The following SNAP47 variants were observed in gnomAD, a reference collection of about 807,000 sequenced individuals.
SNAP47 encodes the protein synaptosomal-associated protein 47.
SNAP47 carries 20 observed loss-of-function variants against 31.4 expected under a neutral mutation model. The ratio of observed to expected loss-of-function variants is 0.64; its 90% CI spans 0.45 to 0.93. SNAP47 has a LOEUF of 0.93. Ranked by LOEUF, SNAP47 falls within the 40% of genes least tolerant of loss-of-function variation. The pLI is 0.00. For missense variants in SNAP47, 492 were observed against 528.5 expected, an observed-to-expected ratio of 0.93 and a Z score of 0.68; for synonymous variants, 194 against 213.4, an observed-to-expected ratio of 0.91 and a Z score of 0.79.
upstream of SNAP47, chr1:227,731,291 A>T (rs1242988426): frequency 1.3e-5 from 2 of 152,346 alleles, no homozygotes; most frequent in African/African-American, 4.8e-5. Flanking sequence ...GAGCAGACAG[A>T]AACCCCTGCC....
chr1:227,744,302 G>A (rs1040221397), intron 1 of SNAP47, among the ~76,000 whole-genome samples: 1 of 152,026 alleles, frequency 6.6e-6, no homozygotes, highest in Non-Finnish European at 1.5e-5. Context: ...ATGAGAGCTG[G>A]TGATCTGGAC....
At chr1:227,779,275 G>T (rs1664325867) in intron 4 of SNAP47, among the ~76,000 whole-genome samples, 1 of 152,174 alleles carries the variant, frequency 6.6e-6, no homozygotes, top group Non-Finnish European at 1.5e-5. Flanking sequence ...CATTGCTTGT[G>T]ACCCTGAATC....
chr1:227,761,697 G>T (rs1208630116), intron 3 of SNAP47, among the ~76,000 whole-genome samples: 1 of 152,184 alleles, frequency 6.6e-6, no homozygotes, highest in Non-Finnish European at 1.5e-5. Flanking sequence ...GACTGGTGGT[G>T]TGGGGACTGA....
chr1:227,776,840 A>C (rs1358527064), intron 4 of SNAP47: 29 of 985,362 alleles, frequency 2.9e-5, no homozygotes, highest in Non-Finnish European at 3.3e-5. Context: ...CAAGGGTCTC[A>C]ACAGGCTATT....
At chr1:227,739,186 G>A (rs371618729) in intron 1 of SNAP47, among the ~76,000 whole-genome samples, 1 of 152,176 alleles carries the variant, frequency 6.6e-6, no homozygotes, top group Non-Finnish European at 1.5e-5. Flanking sequence ...TTTAAAACGG[G>A]GTCTTCCTCT....
chr1:227,779,867 A>G (rs1187878495), intron 4 of SNAP47, among the ~76,000 whole-genome samples: 3 of 152,048 alleles, frequency 2.0e-5, no homozygotes, highest in South Asian at 4.2e-4. Context: ...AGCCTTCCCT[A>G]TCCACACCTG....
At chr1:227,734,771 T>C, upstream of SNAP47, 3 of 1,614,054 alleles carry the variant, frequency 1.9e-6, no homozygotes, top group Non-Finnish European at 1.7e-6. Flanking sequence ...GGGGTTCGAG[T>C]TGTATTCCTG....
In SNAP47 at chr1:227,780,773, A is replaced by T; in HGVS notation, c.*100A>T. 1 of 1,524,148 alleles carries T rather than the reference A, an allele frequency of 6.6e-7. No individual in the cohort carries two copies. 94.4% of individuals were successfully genotyped at this position (1,524,148 alleles called of 1,614,324 possible). A position where few individuals can be genotyped will look rare whatever the true frequency, so the allele number is the denominator to read the frequency against. ...GCTGCAGAGGCCTGTGGCCCTCCGG[A>T]GTGGTCTTCCTCTGGATGGGGCTGC... On this transcript the variant is annotated 3_prime_UTR_variant, in exon 5 of 5. Coordinates refer to ENST00000617596, the MANE Select transcript of SNAP47 (RefSeq NM_053052.4).
At chr1:227,768,932 G>A (rs1663612689) in intron 4 of SNAP47, among the ~76,000 whole-genome samples, 1 of 152,234 alleles carries the variant, frequency 6.6e-6, no homozygotes, top group South Asian at 2.1e-4. Context: ...TGTTTAGACT[G>A]AAGTAGGAGC....
intron 2 of SNAP47, 49 bp downstream of exon 2, chr1:227,748,282 CAT>C (rs1662113037): frequency 6.8e-7 from 1 of 1,478,640 alleles, no homozygotes; most frequent in Non-Finnish European, 9.0e-7. Context: ...GTAAGATGCA[CAT>C]GTGTGGAGGC....
upstream of SNAP47, chr1:227,735,257 C>A: frequency 1.2e-6 from 2 of 1,603,682 alleles, no homozygotes; most frequent in Non-Finnish European, 1.7e-6. Flanking sequence ...GGCGAGGGCG[C>A]GCGTCTCGCG....
rs1474829631 is a variant in SNAP47 at position 227,781,056 on chromosome 1, T to A, written c.*383T>A. 1.0e-5 allele frequency: 2 copies of A among 193,218 alleles called. No homozygotes were observed. Among genetic ancestry groups the A allele is most frequent in the African/African-American group, 4.7e-5 (2 of 42,796 alleles). 12.0% of individuals were successfully genotyped at this position (193,218 alleles called of 1,614,324 possible). ...TTTGTGAGTGAAGTTAGAGCCCAGC[T>A]CACTTAGCCAGCTCACTTTGAGGGC... On this transcript the variant is annotated 3_prime_UTR_variant, in exon 5 of 5. Coordinates refer to ENST00000617596, the MANE Select transcript of SNAP47 (RefSeq NM_053052.4).
At chr1:227,732,297 C>G (rs1455076737), upstream of SNAP47, 1 of 1,438,896 alleles carries the variant, frequency 6.9e-7, no homozygotes, top group African/African-American at 1.4e-5. Context: ...AGGGGTGGGC[C>G]CCAGGTCACA....
At chr1:227,752,267 G>A (rs953914579) in intron 2 of SNAP47, among the ~76,000 whole-genome samples, 21 of 151,998 alleles carry the variant, frequency 1.4e-4, no homozygotes, top group Admixed American at 1.3e-3. Flanking sequence ...CCTTGAGAAT[G>A]TTAAGAACAC....
rs1446998785 is a variant in SNAP47 at position 227,758,981 on chromosome 1, G to C, written c.498-14G>C. 9 of 1,562,262 alleles carry C rather than the reference G, an allele frequency of 5.8e-6. No homozygotes were observed. Among genetic ancestry groups the C allele is most frequent in the Non-Finnish European group, 6.9e-6 (8 of 1,158,500 alleles). On this transcript the variant is annotated splice_polypyrimidine_tract_variant and intron_variant, in intron 2 of 4. Transcript: ENST00000617596. Reference sequence around the variant, plus strand: ...GAACTGATCCAGTTTTCCATGTTTTGTTTGCTTTTTCAGATTGCTGACAGA... The same window carrying C: ...GAACTGATCCAGTTTTCCATGTTTTCTTTGCTTTTTCAGATTGCTGACAGA...
chr1:227,765,336 G>C (rs1663324883), intron 3 of SNAP47, among the ~76,000 whole-genome samples: 5 of 152,220 alleles, frequency 3.3e-5, no homozygotes, highest in African/African-American at 1.2e-4. Flanking sequence ...AGGCTGTGCT[G>C]GTGCTGCGAG....
intron 4 of SNAP47, among the ~76,000 whole-genome samples, chr1:227,773,169 C>T (rs1355137624): frequency 2.1e-5 from 3 of 145,004 alleles, no homozygotes; most frequent in South Asian, 2.2e-4. Context: ...TGGAGTCTCC[C>T]TATGTTGCCC....
Position 227,780,732 on chromosome 1 carries a change from G to A in SNAP47, c.*59G>A. ...GCACATCCCGCTGAGATGGAGGGCTGGGCGGCAGTGCCAGGGCTGCAGAGG... is the reference window on the plus strand; with the variant it reads ...GCACATCCCGCTGAGATGGAGGGCTAGGCGGCAGTGCCAGGGCTGCAGAGG... On this transcript the variant is annotated 3_prime_UTR_variant, in exon 5 of 5. Transcript: ENST00000617596. The A allele has an allele frequency of 6.2e-7, 1 of 1,603,562 alleles. No homozygotes were observed. The highest frequency in any genetic ancestry group is 1.3e-5 in the African/African-American group (1 of 74,942).
chr1:227,735,107 A>ACCTGCGTGAAGG (rs766856177), upstream of SNAP47: 3 of 1,575,996 alleles, frequency 1.9e-6, no homozygotes, highest in Non-Finnish European at 2.6e-6. Flanking sequence ...GCTGGAAAAC[A>ACCTGCGTGAAGG]CGCAGGGCAG....
Sources: allele counts gnomAD v4.1 joint callset (sites outside exome capture counted in the v4.1 genomes callset), GRCh38; gene constraint gnomAD v4.1.1; transcripts MANE v1.5; gene names NCBI Gene and HGNC (gene_info 2026-07-23, HGNC 2026-07-21).